Variants in KRTAP29-1 observed in about 807,000 individuals in gnomAD.
KRTAP29-1 encodes keratin-associated protein 29-1.
For missense variants in KRTAP29-1, 419 were observed against 412.1 expected, an observed-to-expected ratio of 1.02 and a Z score of -0.14; for synonymous variants, 142 against 153.6, an observed-to-expected ratio of 0.92 and a Z score of 0.56.
In KRTAP29-1 at chr17:41,302,347, T is replaced by C; in HGVS notation, c.505A>G (p.Thr169Ala). The change falls in exon 1 of 1, where the codon ACT (threonine) becomes GCT (alanine). Residue 169 changes from threonine to alanine, a missense_variant. By Grantham distance (58) the Thr-to-Ala change is moderately conservative. Coordinates refer to ENST00000391353, the MANE Select transcript of KRTAP29-1 (RefSeq NM_001257309.1). ...GTACAGATGGTTGGTAGGCAAGAAG[T>C]TTCCGGACAGGAGGTCACTTCAGAG... ...SCSEVTSCPE[T>A]SCLPTICTAS... The C allele has an allele frequency of 6.4e-7, 1 of 1,550,520 alleles. No homozygotes were observed. The highest frequency in any genetic ancestry group is 1.7e-4 in the Middle Eastern group (1 of 5,990).
At position 41,302,370 on chromosome 17, in the gene KRTAP29-1, G is replaced by C. The variant is rs1205054415; in HGVS notation, c.482C>G (p.Ser161Cys). The C allele has an allele frequency of 1.3e-6, 2 of 1,550,516 alleles. No homozygotes were observed. Among genetic ancestry groups the C allele is most frequent in the Admixed American group, 2.0e-5 (1 of 51,000 alleles). The change falls in exon 1 of 1, where the codon TCT (serine) becomes TGT (cysteine). Residue 161 changes from serine (S) to cysteine (C), a missense_variant. By Grantham distance (112) the Ser-to-Cys change is moderately radical. Transcript: ENST00000391353. ...AGTTTCCGGACAGGAGGTCACTTCA[G>C]AGCAGGATGGCTGGCAGGATCCAGC... is the stretch of plus-strand genomic sequence containing the variant. ...CDAGSCQPSCSEVTSCPETSC... is the reference protein window; with the variant it reads ...CDAGSCQPSCCEVTSCPETSC...
chr17:41,302,646 G>T lies in KRTAP29-1; in HGVS notation c.206C>A (p.Pro69His), dbSNP rs2016849402. Reference protein sequence around the residue: ...PSGCDPASCQPTRLPATSCVG... With the variant: ...PSGCDPASCQHTRLPATSCVG... ...ACAAGACGTTGCTGGAAGGCGGGTA[G>T]GTTGACACGAAGCAGGATCACAGCC... Residue 69 changes from proline to histidine, a missense_variant, in exon 1 of 1, where the codon CCT (proline) becomes CAT (histidine). Coordinates refer to ENST00000391353, the MANE Select transcript of KRTAP29-1 (RefSeq NM_001257309.1). 1.3e-6 allele frequency: 2 copies of T among 1,550,660 alleles called. No individual in the cohort carries two copies. Among genetic ancestry groups the T allele is most frequent in the African/African-American group, 1.4e-5 (1 of 73,192 alleles).
Position 41,302,811 on chromosome 17 carries a change from G to T in KRTAP29-1, c.41C>A (p.Pro14Gln). 6.4e-7 allele frequency: 1 copy of T among 1,550,588 alleles called. No individual in the cohort carries two copies. The highest frequency in any genetic ancestry group is 8.7e-7 in the Non-Finnish European group (1 of 1,146,904). Residue 14 changes from proline to glutamine, a missense_variant, in exon 1 of 1, where the codon CCA becomes CAA. Coordinates refer to ENST00000391353, the MANE Select transcript of KRTAP29-1 (RefSeq NM_001257309.1). ...GCCPGNTTAI[P>Q]AVPTITTYPV... ...GTATGTGGTGATGGTGGGCACAGCT[G>T]GAATGGCTGTGGTGTTTCCAGGACA... is the stretch of plus-strand genomic sequence containing the variant.
At chr17:41,301,870 G>A in the KRTAP29-1 span, 18 of 1,550,476 alleles carry the variant, frequency 1.2e-5, no homozygotes, top group East Asian at 2.4e-5. Flanking sequence ...CAGCTGGGTT[G>A]GCATGAAGTC....
Position 41,302,514 on chromosome 17 carries a change from G to A in KRTAP29-1, c.338C>T (p.Ser113Phe). 6.4e-7 allele frequency: 1 copy of A among 1,550,500 alleles called. No individual in the cohort carries two copies. Among genetic ancestry groups the A allele is most frequent in the Non-Finnish European group, 8.7e-7 (1 of 1,146,968 alleles). ...GCAGCACTTTTCCTGACAACAAGTA[G>A]ATTCCGAGCAGGATGGCTGACATGA... Reference protein sequence around the residue: ...VSSCQPSCSESTCCQEKCCDA... With the variant: ...VSSCQPSCSEFTCCQEKCCDA... Residue 113 changes from serine (S) to phenylalanine (F), a missense_variant, in exon 1 of 1, where the codon TCT (serine) becomes TTT (phenylalanine). By Grantham distance (155) the Ser-to-Phe change is radical (BLOSUM62 -2). Coordinates refer to ENST00000391353, the MANE Select transcript of KRTAP29-1 (RefSeq NM_001257309.1).
rs2144194874 is a variant in KRTAP29-1 at position 41,302,847 on chromosome 17, G to T, written c.5C>A (p.Ala2Glu). M[A>E]DGCCPGNTTA... ...GGTGTTTCCAGGACAACAGCCGTCTGCCATGGTGCTGGTGCTGACCTTGCT... is the reference window on the plus strand; with the variant it reads ...GGTGTTTCCAGGACAACAGCCGTCTTCCATGGTGCTGGTGCTGACCTTGCT... Residue 2 changes from alanine to glutamate, a missense_variant, in exon 1 of 1, where the codon GCA (alanine) becomes GAA (glutamate). Coordinates refer to ENST00000391353, the MANE Select transcript of KRTAP29-1 (RefSeq NM_001257309.1). The T allele has an allele frequency of 4.5e-6, 7 of 1,545,816 alleles. No individual in the cohort carries two copies. Among genetic ancestry groups the T allele is most frequent in the Non-Finnish European group, 6.1e-6 (7 of 1,143,684 alleles).
In KRTAP29-1 at chr17:41,301,903, T is replaced by C; in HGVS notation, c.949A>G (p.Ser317Gly). The C allele has an allele frequency of 6.4e-7, 1 of 1,550,594 alleles. No individual in the cohort carries two copies. Among genetic ancestry groups the C allele is most frequent in the South Asian group, 1.2e-5 (1 of 84,064 alleles). ...CCVTGLGTSPSSGSNCLPTSC... is the reference protein window; with the variant it reads ...CCVTGLGTSPGSGSNCLPTSC... ...GTCGGCAAGCAATTGGAGCCACTAC[T>C]GGGTGATGTGCCTAAACCAGTCACA... Residue 317 changes from serine to glycine, a missense_variant, in exon 1 of 1, where the codon AGT (serine) becomes GGT (glycine). By Grantham distance (56) the Ser-to-Gly change is moderately conservative. Transcript: ENST00000391353.
In KRTAP29-1 at chr17:41,302,594, G is replaced by A; in HGVS notation, c.258C>T (p.Cys86=). 6.4e-7 allele frequency: 1 copy of A among 1,550,650 alleles called. No individual in the cohort carries two copies. Among genetic ancestry groups the A allele is most frequent in the Non-Finnish European group, 8.7e-7 (1 of 1,147,014 alleles). ...CAGACTGATAGCAGGCTGCGTGGGAGCACATAGGTTGGCAAACAAAACCCA... is the reference window on the plus strand; with the variant it reads ...CAGACTGATAGCAGGCTGCGTGGGAACACATAGGTTGGCAAACAAAACCCA... ...SCVGFVCQPM[C]SHAACYQSGT... The change falls in exon 1 of 1, where the codon TGC becomes TGT. Residue 86 remains cysteine (C), a synonymous_variant. Coordinates refer to ENST00000391353, the MANE Select transcript of KRTAP29-1 (RefSeq NM_001257309.1).
the KRTAP29-1 span, chr17:41,302,520 G>T: frequency 6.4e-7 from 1 of 1,550,478 alleles, no homozygotes; most frequent in East Asian, 2.4e-5. Flanking sequence ...AGTAGATTCC[G>T]AGCAGGATGG....
rs182316679 is a variant in KRTAP29-1 at position 41,302,587 on chromosome 17, C to T, written c.265G>A (p.Ala89Thr). 3.3e-4 allele frequency: 519 copies of T among 1,550,588 alleles called. No individual in the cohort carries two copies. Among genetic ancestry groups the T allele is most frequent in the Admixed American group, 9.2e-4 (47 of 51,004 alleles). ...CCAGTGCCAGACTGATAGCAGGCTG[C>T]GTGGGAGCACATAGGTTGGCAAACA... The part of the protein sequence containing the change: ...GFVCQPMCSH[A>T]ACYQSGTGQS... The change falls in exon 1 of 1, where the codon GCA becomes ACA. Residue 89 changes from alanine to threonine, a missense_variant. Ala to Thr is a moderately conservative substitution (Grantham distance 58). Coordinates refer to ENST00000391353, the MANE Select transcript of KRTAP29-1 (RefSeq NM_001257309.1).
chr17:41,302,083 T>G lies in KRTAP29-1; in HGVS notation c.769A>C (p.Thr257Pro). ...QPPHCQLVPS[T>P]CFIYQPVANC... ...GCCACTGGCTGGTAGATGAAGCATGTGGAAGGAACCAGTTGGCAGTGAGGT... is the reference window on the plus strand; with the variant it reads ...GCCACTGGCTGGTAGATGAAGCATGGGGAAGGAACCAGTTGGCAGTGAGGT... Residue 257 changes from threonine (T) to proline (P), a missense_variant, in exon 1 of 1, where the codon ACA becomes CCA. Thr to Pro is a conservative substitution (Grantham distance 38). Coordinates refer to ENST00000391353, the MANE Select transcript of KRTAP29-1 (RefSeq NM_001257309.1). The G allele has an allele frequency of 6.4e-7, 1 of 1,550,498 alleles. No homozygotes were observed.
Position 41,301,874 on chromosome 17 carries a change from T to G in KRTAP29-1, c.978A>C (p.Ser326=). 2.6e-6 allele frequency: 4 copies of G among 1,550,586 alleles called. No homozygotes were observed. The highest frequency in any genetic ancestry group is 2.6e-6 in the Non-Finnish European group (3 of 1,146,998). ...PSSGSNCLPT[S]CQPSCESSFC... Reference sequence around the variant, plus strand: ...AGCTGGACTCACAGCTGGGTTGGCATGAAGTCGGCAAGCAATTGGAGCCAC... The same window carrying G: ...AGCTGGACTCACAGCTGGGTTGGCAGGAAGTCGGCAAGCAATTGGAGCCAC... Residue 326 remains serine (S), a synonymous_variant, in exon 1 of 1, where the codon TCA becomes TCC. Transcript: ENST00000391353.
At position 41,302,527 on chromosome 17, in the gene KRTAP29-1, A is replaced by T; in HGVS notation, c.325T>A (p.Ser109Thr). The stretch of plus-strand genomic sequence containing the variant: ...TGACAACAAGTAGATTCCGAGCAGG[A>T]TGGCTGACATGAGCTAACCAGACAA... ...SPCLVSSCQP[S>T]CSESTCCQEK... is the part of the protein sequence containing the mutation. Residue 109 changes from serine to threonine, a missense_variant, in exon 1 of 1, where the codon TCC becomes ACC. By Grantham distance (58) the Ser-to-Thr change is moderately conservative (BLOSUM62 1). Coordinates refer to ENST00000391353, the MANE Select transcript of KRTAP29-1 (RefSeq NM_001257309.1). The T allele has an allele frequency of 6.4e-7, 1 of 1,550,574 alleles. No individual in the cohort carries two copies. The highest frequency in any genetic ancestry group is 8.7e-7 in the Non-Finnish European group (1 of 1,146,984).
rs1027289843 is a variant in KRTAP29-1 at position 41,302,308 on chromosome 17, G to T, written c.544C>A (p.Gln182Lys). 2.6e-6 allele frequency: 4 copies of T among 1,550,336 alleles called. No homozygotes were observed. The highest frequency in any genetic ancestry group is 3.5e-6 in the Non-Finnish European group (4 of 1,146,944). Residue 182 changes from glutamine (Q) to lysine (K), a missense_variant, in exon 1 of 1, where the codon CAA becomes AAA. Transcript: ENST00000391353. ...GAACTTCCTTGGCACCAAGTTGGTT[G>T]GCATGGACTAGCTGTACAGATGGTT... ...LPTICTASPC[Q>K]PTWCQGSSCQ...
rs968877282 is a variant in KRTAP29-1, at chr17:41,302,447, G to T, written c.405C>A (p.Val135=). Residue 135 remains valine, a synonymous_variant, in exon 1 of 1, where the codon GTC becomes GTA. Transcript: ENST00000391353. ...CTGCCTGACATGATCCAGACATGCAGACAGATTCCTGGCAGGAGCTTTGCT... is the reference window on the plus strand; with the variant it reads ...CTGCCTGACATGATCCAGACATGCATACAGATTCCTGGCAGGAGCTTTGCT... ...PCQQSSCQES[V]CMSGSCQAAC... 1 of 1,550,464 alleles carries T rather than the reference G, an allele frequency of 6.4e-7. No homozygotes were observed. Among genetic ancestry groups the T allele is most frequent in the African/African-American group, 1.4e-5 (1 of 73,026 alleles).
chr17:41,301,958 A>G lies in KRTAP29-1; in HGVS notation c.894T>C (p.Tyr298=), dbSNP rs776870678. ...GQPTCDGPPS[Y]NQSGCKSACC... ...AAGCTGATTTGCAGCCACTCTGGTT[A>G]TAGGAAGGGGGTCCATCACAAGTTG... The change falls in exon 1 of 1, where the codon TAT becomes TAC. Residue 298 remains tyrosine, a synonymous_variant. Coordinates refer to ENST00000391353, the MANE Select transcript of KRTAP29-1 (RefSeq NM_001257309.1). The G allele has an allele frequency of 1.9e-6, 3 of 1,550,624 alleles. No homozygotes were observed. The highest frequency in any genetic ancestry group is 1.7e-6 in the Non-Finnish European group (2 of 1,146,998).
chr17:41,302,754 C>T lies in KRTAP29-1; in HGVS notation c.98G>A (p.Cys33Tyr), dbSNP rs772527367. 3.8e-5 allele frequency: 59 copies of T among 1,550,566 alleles called. No individual in the cohort carries two copies. Among genetic ancestry groups the T allele is most frequent in the Non-Finnish European group, 4.6e-5 (53 of 1,147,018 alleles). ...PVKGGFRHAL[C>Y]LPSSCHSRMW... The stretch of plus-strand genomic sequence containing the variant: ...TCTGCTGTGGCAGGAACTAGGCAAA[C>T]AGAGAGCATGTCGAAATCCACCTTT... The change falls in exon 1 of 1, where the codon TGT (cysteine) becomes TAT (tyrosine). Residue 33 changes from cysteine (C) to tyrosine (Y), a missense_variant. Transcript: ENST00000391353.
chr17:41,301,982 T>C lies in KRTAP29-1; in HGVS notation c.870A>G (p.Pro290=). The change falls in exon 1 of 1, where the codon CCA becomes CCG. Residue 290 remains proline (P), a synonymous_variant. Transcript: ENST00000391353. ...ASCDTVISGQ[P]TCDGPPSYNQ... ...TATAGGAAGGGGGTCCATCACAAGTTGGTTGGCCAGAAATCACAGTGTCAC... is the reference window on the plus strand; with the variant it reads ...TATAGGAAGGGGGTCCATCACAAGTCGGTTGGCCAGAAATCACAGTGTCAC... 1 of 1,550,518 alleles carries C rather than the reference T, an allele frequency of 6.4e-7. No individual in the cohort carries two copies. The highest frequency in any genetic ancestry group is 2.0e-5 in the Admixed American group (1 of 50,998).
In KRTAP29-1 at chr17:41,301,853, G is replaced by A; in HGVS notation, c.999C>T (p.Ser333=). ...AACAAAGTGTTGCCTTGCAGAAGCT[G>A]GACTCACAGCTGGGTTGGCATGAAG... ...LPTSCQPSCE[S]SFCKATLC Residue 333 remains serine, a synonymous_variant, in exon 1 of 1, where the codon TCC becomes TCT. Transcript: ENST00000391353. 1.3e-6 allele frequency: 2 copies of A among 1,550,518 alleles called. No homozygotes were observed. Among genetic ancestry groups the A allele is most frequent in the Non-Finnish European group, 1.7e-6 (2 of 1,146,926 alleles).
Sources: allele counts gnomAD v4.1 joint callset, GRCh38; gene constraint gnomAD v4.1.1; transcripts MANE v1.5; gene names NCBI Gene and HGNC (gene_info 2026-07-23, HGNC 2026-07-21).